Variants in NAALADL2 observed in about 807,000 individuals in gnomAD.
NAALADL2 encodes inactive N-acetylated-alpha-linked acidic dipeptidase-like protein 2.
In NAALADL2, 76 loss-of-function variants were observed where a neutral mutation model predicts 87.2. That is an observed-to-expected ratio of 0.87 (90% CI 0.72 to 1.05). NAALADL2 has a LOEUF of 1.05. NAALADL2 is among the 50% of genes least tolerant of loss of function. The pLI is 0.00. For synonymous variants in NAALADL2, 354 were observed against 331.0 expected (o/e 1.07, Z -0.75); for missense variants, 1,089 against 945.8 (o/e 1.15, Z -1.99).
At chr3:175,638,167 A>G (rs1003990886) in intron 11 of NAALADL2, among the ~76,000 whole-genome samples, 30 of 152,234 alleles carry the variant, frequency 2.0e-4, no homozygotes, top group African/African-American at 7.2e-4. Context: ...AATTCAATAC[A>G]TAAACATCAA....
chr3:174,828,307 G>T lies in NAALADL2; in HGVS notation c.-9+90561G>T, dbSNP rs565774428. Among the ~76,000 whole-genome samples the T allele has an allele frequency of 2.6e-5, 4 of 152,264 alleles. No homozygotes were observed. The East Asian group carries it at 5.8e-4, about 22-fold the overall frequency. ...TTTCCCCAAATGTTTTCTTACACTTGCCCTGATTAATATCAGTATCATTGG... is the reference window on the plus strand; with the variant it reads ...TTTCCCCAAATGTTTTCTTACACTTTCCCTGATTAATATCAGTATCATTGG... On this transcript the variant is annotated intron_variant, in intron 3 of 3. Transcript: ENST00000434257.
intron 11 of NAALADL2, among the ~76,000 whole-genome samples, chr3:175,699,797 T>G (rs1738731738): frequency 6.6e-6 from 1 of 152,144 alleles, no homozygotes; most frequent in Non-Finnish European, 1.5e-5. Flanking sequence ...TTTCTCAGCA[T>G]AGTCATTATT....
intron 2 of NAALADL2, among the ~76,000 whole-genome samples, chr3:175,203,629 A>G (rs1459824245): frequency 6.6e-6 from 1 of 152,044 alleles, no homozygotes; most frequent in African/African-American, 2.4e-5. Context: ...TCTGTCCTGA[A>G]CCACAATCTA....
At chr3:174,562,636 C>T (rs1281682905) in intron 2 of NAALADL2, among the ~76,000 whole-genome samples, 1 of 151,842 alleles carries the variant, frequency 6.6e-6, no homozygotes, top group African/African-American at 2.4e-5. Flanking sequence ...ACAATATTGC[C>T]ACCTCGCTGG....
At chr3:174,854,465 T>C (rs80042436), upstream of NAALADL2, among the ~76,000 whole-genome samples, 5,746 of 152,232 alleles carry the variant, frequency 0.038, 365 homozygotes, top group African/African-American at 0.13. Context: ...ATCTAGTGTT[T>C]GGTAGCACAA....
intron 1 of NAALADL2, among the ~76,000 whole-genome samples, chr3:174,470,215 A>G (rs1030689926): frequency 5.3e-5 from 8 of 152,078 alleles, no homozygotes; most frequent in Non-Finnish European, 1.2e-4. Flanking sequence ...ATGGTATCTC[A>G]TTGTGGGTTT....
At chr3:175,344,866 T>A (rs16825479) in intron 5 of NAALADL2, among the ~76,000 whole-genome samples, 5 of 151,996 alleles carry the variant, frequency 3.3e-5, no homozygotes, top group African/African-American at 1.2e-4. Flanking sequence ...AAGTATTTAC[T>A]CTTACAACTT....
chr3:175,082,045 T>C (rs1358069115), intron 1 of NAALADL2, among the ~76,000 whole-genome samples: 1 of 118,998 alleles, frequency 8.4e-6, no homozygotes, highest in African/African-American at 2.7e-5. Flanking sequence ...TGTGTGTATG[T>C]GTATGTGTGT....
rs1395948240 is a variant in NAALADL2, at chr3:175,272,500, G to A, written c.939+15970G>A. Among the ~76,000 whole-genome samples the A allele has an allele frequency of 2.6e-5, 4 of 152,060 alleles. No individual in the cohort carries two copies. In the South Asian group the frequency reaches 8.3e-4, roughly 32 times the overall value. On this transcript the variant is annotated intron_variant, in intron 4 of 13. Transcript: ENST00000454872. ...GACCCTGATTTCTGTTAATAGCCAT[G>A]TTTATCATCTTAATGTGAAATTTGC...
chr3:175,524,535 A>G (rs1361987048), intron 9 of NAALADL2, among the ~76,000 whole-genome samples: 3 of 152,138 alleles, frequency 2.0e-5, no homozygotes, highest in African/African-American at 7.2e-5. Context: ...TCTAAGTAGT[A>G]CATGATTTCT....
chr3:175,570,879 CAAAA>C (rs553923028), intron 9 of NAALADL2, among the ~76,000 whole-genome samples: 139 of 77,868 alleles, frequency 1.8e-3, no homozygotes, highest in Admixed American at 3.2e-3. Flanking sequence ...GACTCCATCT[CAAAA>C]AAAAAAAAAA....
intron 1 of NAALADL2, among the ~76,000 whole-genome samples, chr3:174,982,921 C>T (rs1745313544): frequency 6.6e-6 from 1 of 152,182 alleles, no homozygotes; most frequent in South Asian, 2.1e-4. Flanking sequence ...CCTCAGCCTC[C>T]TGAGTAGCTG....
chr3:175,401,567 G>A (rs1770569336), intron 5 of NAALADL2, among the ~76,000 whole-genome samples: 1 of 152,020 alleles, frequency 6.6e-6, no homozygotes. Context: ...ACACACCAGG[G>A]CTATAGGTAT....
intron 2 of NAALADL2, among the ~76,000 whole-genome samples, chr3:174,581,635 G>A (rs965939678): frequency 2.6e-5 from 4 of 152,188 alleles, no homozygotes; most frequent in African/African-American, 9.6e-5. Flanking sequence ...TCTGAGCAGT[G>A]ATGTGTTGCA....
Position 174,603,074 on chromosome 3 carries a change from T to A in NAALADL2, c.-115+52437T>A, listed in dbSNP as rs73042680. Among the ~76,000 whole-genome samples, 984 of 152,174 alleles carry A rather than the reference T, an allele frequency of 6.5e-3. 9 individuals carry two copies. Among genetic ancestry groups the A allele is most frequent in the African/African-American group, 0.022 (923 of 41,540 alleles). The stretch of plus-strand genomic sequence containing the variant: ...AGTGATATTGGCCTGTAGTTTTATA[T>A]TTTTTTATTTGTCTTGGTCTTGTTT... On this transcript the variant is annotated intron_variant, in intron 2 of 3. Transcript: ENST00000434257.
intron 1 of NAALADL2, among the ~76,000 whole-genome samples, chr3:174,935,151 T>G (rs1737500782): frequency 6.9e-6 from 1 of 144,834 alleles, no homozygotes; most frequent in East Asian, 2.2e-4. Context: ...CATATAGATG[T>G]TGGAAAATCA....
chr3:174,620,903 T>C (rs1010559236), intron 2 of NAALADL2, among the ~76,000 whole-genome samples: 7 of 152,118 alleles, frequency 4.6e-5, no homozygotes, highest in African/African-American at 1.4e-4. Flanking sequence ...ATTTGGCTTA[T>C]GTTTAAATAA....
chr3:175,419,391 AT>A (rs1715254938), intron 5 of NAALADL2, among the ~76,000 whole-genome samples: 1 of 151,898 alleles, frequency 6.6e-6, no homozygotes, highest in South Asian at 2.1e-4. Flanking sequence ...TATAGCAAAA[AT>A]TATATAAAAA....
chr3:174,532,970 G>A (rs376130251), intron 1 of NAALADL2, among the ~76,000 whole-genome samples: 1 of 151,324 alleles, frequency 6.6e-6, no homozygotes, highest in African/African-American at 2.4e-5. Context: ...TTAGATGCCA[G>A]GCATGCCACA....
Sources: gnomAD v4.1 joint callset for allele counts (sites outside exome capture counted in the v4.1 genomes callset) on GRCh38, gnomAD v4.1.1 for gene constraint, MANE v1.5 for transcripts, NCBI Gene and HGNC (gene_info 2026-07-23, HGNC 2026-07-21) for gene names.